ZBBX: variants seen among roughly 807,000 people sequenced by gnomAD.
ZBBX encodes zinc finger B-box domain containing, also known as zinc finger B-box domain-containing protein 1.
Under a neutral mutation model 108.5 loss-of-function variants are expected in ZBBX, and 101 were observed. That is an observed-to-expected ratio of 0.93 (90% confidence interval 0.79 to 1.10). The LOEUF (loss-of-function observed/expected upper bound fraction) is 1.10, where lower values mean the gene tolerates loss of function less well. ZBBX is among the 50% of genes least tolerant of loss of function. The pLI is 0.00. For synonymous variants in ZBBX, 356 were observed against 323.4 expected, an observed-to-expected ratio of 1.10 and a Z score of -1.08; for missense variants, 1,009 against 941.4, an observed-to-expected ratio of 1.07 and a Z score of -0.94.
At chr3:167,274,906 T>C (rs999725951) in intron 20 of ZBBX, among the ~76,000 whole-genome samples, 1 of 152,204 alleles carries the variant, frequency 6.6e-6, no homozygotes, top group Non-Finnish European at 1.5e-5. Flanking sequence ...AGTGTGCACT[T>C]GTGACCTTGT....
intron 1 of ZBBX, among the ~76,000 whole-genome samples, chr3:167,403,439 T>A (rs1748488291): frequency 6.6e-6 from 1 of 152,128 alleles, no homozygotes; most frequent in Admixed American, 6.6e-5. Flanking sequence ...TCAAAACTTC[T>A]TCAATCTGAA....
At chr3:167,196,809 G>A in the ZBBX span, among the ~76,000 whole-genome samples, 2 of 151,676 alleles carry the variant, frequency 1.3e-5, no homozygotes, top group Non-Finnish European at 2.9e-5. Flanking sequence ...GCATAAAGAA[G>A]TTGTGTTTGG....
the ZBBX span, among the ~76,000 whole-genome samples, chr3:167,216,582 A>C: frequency 1.3e-5 from 2 of 152,252 alleles, no homozygotes; most frequent in South Asian, 4.1e-4. Context: ...TATTCCTCTC[A>C]AGCTACCAAC....
rs527457024 is a variant in ZBBX at position 167,303,159 on chromosome 3, G to A, written c.1725+2484C>T. 2.0e-5 allele frequency among the ~76,000 whole-genome samples: 3 copies of A among 152,212 alleles called. No homozygotes were observed. The South Asian group carries it at 6.2e-4, about 32-fold the overall frequency. The stretch of plus-strand genomic sequence containing the variant: ...TTTTCCTTTGATGCATTTATTTCCT[G>A]ACTGTTTTAATTAATTGGATTTTCT... On this transcript the variant is annotated intron_variant, in intron 17 of 21. Coordinates refer to ENST00000675490, the MANE Select transcript of ZBBX (RefSeq NM_001199201.2).
At chr3:167,342,945 A>G (rs961956731) in intron 9 of ZBBX, among the ~76,000 whole-genome samples, 1 of 151,858 alleles carries the variant, frequency 6.6e-6, no homozygotes, top group Non-Finnish European at 1.5e-5. Context: ...GTTTTTATCT[A>G]CCAATTATAC....
At chr3:167,191,934 T>TATATAGAGAGAGAGAGAGAGAG in the ZBBX span, among the ~76,000 whole-genome samples, 8 of 130,222 alleles carry the variant, frequency 6.1e-5, no homozygotes, top group African/African-American at 2.4e-4. Context: ...TATATATATA[T>TATATAGAGAGAGAGAGAGAGAG]AGAGCAAGTT....
chr3:167,348,052 AC>A (rs1284920512), intron 9 of ZBBX, among the ~76,000 whole-genome samples: 4 of 152,016 alleles, frequency 2.6e-5, no homozygotes, highest in African/African-American at 9.6e-5. Context: ...TTTATTAGGA[AC>A]TTAAATACCA....
chr3:167,273,554 C>T (rs989796345), intron 20 of ZBBX, among the ~76,000 whole-genome samples: 3 of 152,054 alleles, frequency 2.0e-5, no homozygotes, highest in Non-Finnish European at 2.9e-5. Flanking sequence ...CTTAGTGTTC[C>T]TTGGCAGCTT....
chr3:167,310,509 C>T (rs1734393294), intron 16 of ZBBX, among the ~76,000 whole-genome samples: 1 of 152,132 alleles, frequency 6.6e-6, no homozygotes, highest in African/African-American at 2.4e-5. Context: ...CTCACAGTTC[C>T]ACATGGCTGG....
chr3:167,278,323 G>T (rs201545086), intron 20 of ZBBX, among the ~76,000 whole-genome samples: 50,052 of 148,596 alleles, frequency 0.34, 8,849 homozygotes, highest in East Asian at 0.65. Context: ...TGGTTTTTTG[G>T]AAGGATCAAC....
the ZBBX span, among the ~76,000 whole-genome samples, chr3:167,180,754 C>T: frequency 6.6e-6 from 1 of 152,206 alleles, no homozygotes; most frequent in Non-Finnish European, 1.5e-5. Context: ...AAACTGTTCA[C>T]AGTCTTGTTC....
chr3:167,282,547 G>GGAGGAGCCAAGA lies in ZBBX; in HGVS notation c.1997-53_1997-52insTCTTGGCTCCTC. 2.7e-6 allele frequency: 4 copies of GGAGGAGCCAAGA among 1,466,802 alleles called. No homozygotes were observed. In the South Asian group the frequency reaches 5.1e-5, roughly 19 times the overall value. 90.9% of individuals were successfully genotyped at this position (1,466,802 alleles called of 1,614,324 possible). Reference sequence around the variant, plus strand: ...AATCAACTTTTAAAAATTTGAATGAGTACTTAAAGATACAAAATACCAGGT... The same window carrying GGAGGAGCCAAGA: ...AATCAACTTTTAAAAATTTGAATGAGGAGGAGCCAAGATACTTAAAGATACAAAATACCAGGT... On this transcript the variant is annotated intron_variant, in intron 19 of 21. Coordinates refer to ENST00000675490, the MANE Select transcript of ZBBX (RefSeq NM_001199201.2).
chr3:167,360,688 C>T lies in ZBBX; in HGVS notation c.309G>A (p.Lys103=). 1 of 1,381,726 alleles carries T rather than the reference C, an allele frequency of 7.2e-7. No individual in the cohort carries two copies. Among genetic ancestry groups the T allele is most frequent in the African/African-American group, 1.5e-5 (1 of 66,588 alleles). 85.6% of individuals were successfully genotyped at this position (1,381,726 alleles called of 1,614,324 possible). The change falls in exon 7 of 22, where the codon AAG becomes AAA. Residue 103 remains lysine, a synonymous_variant. Coordinates refer to ENST00000675490, the MANE Select transcript of ZBBX (RefSeq NM_001199201.2). The part of the protein sequence containing the change: ...SAGKVKLKLL[K]EQIQEPVKPT... ...TAAATTATTTACCTTGAATCTGTTCCTTCAGCAATTTTAATTTCACTTTTC... is the reference window on the plus strand; with the variant it reads ...TAAATTATTTACCTTGAATCTGTTCTTTCAGCAATTTTAATTTCACTTTTC...
chr3:167,339,834 G>A (rs947486272), intron 9 of ZBBX, among the ~76,000 whole-genome samples: 4 of 151,838 alleles, frequency 2.6e-5, no homozygotes, highest in African/African-American at 4.8e-5. Flanking sequence ...CTCACGCGTC[G>A]AAAGGCTCCG....
chr3:167,235,314 A>G (rs4468976), downstream of ZBBX, among the ~76,000 whole-genome samples: 7,853 of 151,698 alleles, frequency 0.052, 556 homozygotes, highest in African/African-American at 0.16. Flanking sequence ...TCATCACTAG[A>G]ATGAATAACA....
chr3:167,258,409 T>C (rs1056546849), intron 20 of ZBBX, among the ~76,000 whole-genome samples: 1 of 152,182 alleles, frequency 6.6e-6, no homozygotes, highest in Non-Finnish European at 1.5e-5. Context: ...TTCTCCAACA[T>C]GTGGCTAGCC....
At chr3:167,311,717 C>T in intron 16 of ZBBX, among the ~76,000 whole-genome samples, 1 of 146,656 alleles carries the variant, frequency 6.8e-6, no homozygotes, top group Admixed American at 6.8e-5. Flanking sequence ...AATTGCAAAT[C>T]AAAAAAAAAA....
chr3:167,404,973 T>C lies in ZBBX; in HGVS notation c.-446+2753A>G, dbSNP rs572569278. Reference sequence around the variant, plus strand: ...AGATATATTTGGTGTTTGAAAATAATAGAAACTGGTCACTTAGATGTCTGA... The same window carrying C: ...AGATATATTTGGTGTTTGAAAATAACAGAAACTGGTCACTTAGATGTCTGA... On this transcript the variant is annotated intron_variant, in intron 1 of 21. Coordinates refer to the ZBBX transcript ENST00000455345. Among the ~76,000 whole-genome samples, 6 of 152,220 alleles carry C rather than the reference T, an allele frequency of 3.9e-5. No homozygotes were observed. In the East Asian group the frequency reaches 1.2e-3, roughly 29 times the overall value.
chr3:167,387,348 T>A (rs969081598), intron 1 of ZBBX, among the ~76,000 whole-genome samples: 22 of 151,990 alleles, frequency 1.4e-4, no homozygotes, highest in Admixed American at 1.4e-3. Flanking sequence ...TGTGAGAATA[T>A]TATCAGAAAA....
Sources: allele counts gnomAD v4.1 joint callset (sites outside exome capture counted in the v4.1 genomes callset), GRCh38; gene constraint gnomAD v4.1.1; transcripts MANE v1.5; gene names NCBI Gene and HGNC (gene_info 2026-07-23, HGNC 2026-07-21).